The following FAM135B variants were observed in gnomAD, a reference collection of about 807,000 sequenced individuals.
FAM135B encodes family with sequence similarity 135 member B.
Under a neutral mutation model 127.7 loss-of-function variants are expected in FAM135B, and 43 were observed. That is an observed-to-expected ratio of 0.34 (90% confidence interval 0.26 to 0.43). FAM135B has a LOEUF of 0.43. FAM135B is among the 20% of genes least tolerant of loss of function. The pLI is 1.00. For missense variants in FAM135B, 1,558 were observed against 1,725.6 expected (o/e 0.90, Z 1.72); for synonymous variants, 670 against 665.1 (o/e 1.01, Z -0.11).
intron 1 of FAM135B, among the ~76,000 whole-genome samples, chr8:138,372,977 TAAA>T (rs1831240518): frequency 6.6e-6 from 1 of 152,176 alleles, no homozygotes; most frequent in African/African-American, 2.4e-5. Flanking sequence ...GCCTTGAGTT[TAAA>T]TGACAATTAA....
chr8:138,390,558 C>T (rs1331793687), intron 1 of FAM135B, among the ~76,000 whole-genome samples: 1 of 152,154 alleles, frequency 6.6e-6, no homozygotes, highest in Non-Finnish European at 1.5e-5. Flanking sequence ...GTGTCCTATA[C>T]TTTATCTTGT....
chr8:138,206,179 G>T (rs992852341), intron 7 of FAM135B, among the ~76,000 whole-genome samples: 14 of 139,380 alleles, frequency 1.0e-4, no homozygotes, highest in Non-Finnish European at 9.1e-5. Flanking sequence ...CCTCTGCAAG[G>T]CTCCAGCATC....
chr8:138,313,299 T>C (rs1335380777), intron 2 of FAM135B, among the ~76,000 whole-genome samples: 1 of 152,074 alleles, frequency 6.6e-6, no homozygotes, highest in Non-Finnish European at 1.5e-5. Context: ...TCCCAGCTAA[T>C]TTTTTTATTT....
chr8:138,217,172 A>G (rs1370287555), intron 7 of FAM135B, among the ~76,000 whole-genome samples: 1 of 152,226 alleles, frequency 6.6e-6, no homozygotes, highest in Non-Finnish European at 1.5e-5. Context: ...ACTTAGGTCA[A>G]GAGTCTGGAA....
chr8:138,204,185 T>G (rs1817379051), intron 7 of FAM135B, among the ~76,000 whole-genome samples: 2 of 152,210 alleles, frequency 1.3e-5, no homozygotes, highest in Admixed American at 6.5e-5. Flanking sequence ...TCACCTGCTA[T>G]CTCTTGTTTT....
In FAM135B at chr8:138,178,673, C is replaced by T. The variant is rs1465454798; in HGVS notation, c.891G>A (p.Glu297=). ...CCTTGCTTATCTGCTCAGCGATCTT[C>T]TCTGGATTGTTCAACATCTGGAGAG... ...CSELQMLNNP[E]KIAEQISKDL... Residue 297 remains glutamate, a synonymous_variant, in exon 10 of 20, where the codon GAG becomes GAA. Transcript: ENST00000395297. 6.2e-7 allele frequency: 1 copy of T among 1,612,754 alleles called. No homozygotes were observed. The highest frequency in any genetic ancestry group is 1.7e-5 in the Admixed American group (1 of 59,782).
intron 3 of FAM135B, among the ~76,000 whole-genome samples, chr8:138,279,573 C>A (rs1824101204): frequency 6.6e-6 from 1 of 152,300 alleles, no homozygotes; most frequent in South Asian, 2.1e-4. Context: ...CATGCACTTG[C>A]AAATCATTTA....
chr8:138,475,351 C>A (rs545719514), intron 1 of FAM135B, among the ~76,000 whole-genome samples: 13 of 152,244 alleles, frequency 8.5e-5, no homozygotes, highest in African/African-American at 3.1e-4. Context: ...AATTCAGCTA[C>A]AATCTTCACA....
chr8:138,272,547 G>GA (rs1434166995), intron 3 of FAM135B, among the ~76,000 whole-genome samples: 1 of 152,152 alleles, frequency 6.6e-6, no homozygotes, highest in Admixed American at 6.5e-5. Context: ...CTATTTAACA[G>GA]GAAGCATTCT....
intron 2 of FAM135B, among the ~76,000 whole-genome samples, chr8:138,362,093 C>T (rs939455645): frequency 1.3e-5 from 2 of 152,074 alleles, no homozygotes; most frequent in African/African-American, 4.8e-5. Context: ...GAGTATTCAT[C>T]TCCTCAAGCG....
chr8:138,369,641 G>A (rs1285877080), intron 1 of FAM135B, among the ~76,000 whole-genome samples: 1 of 152,140 alleles, frequency 6.6e-6, no homozygotes, highest in Non-Finnish European at 1.5e-5. Flanking sequence ...AGCCATGGAG[G>A]TGCACCCTGG....
chr8:138,374,427 T>A lies in FAM135B; in HGVS notation c.-19-6425A>T, dbSNP rs1196954295. Among the ~76,000 whole-genome samples, 15 of 152,400 alleles carry A rather than the reference T, an allele frequency of 9.8e-5. No homozygotes were observed. In the East Asian group the frequency reaches 2.9e-3, roughly 29 times the overall value. ...AAAATATTTTGGAAACATAGCATGTTACTTTTCTTCCTTGAAGAAGGAGAT... is the reference window on the plus strand; with the variant it reads ...AAAATATTTTGGAAACATAGCATGTAACTTTTCTTCCTTGAAGAAGGAGAT... On this transcript the variant is annotated intron_variant, in intron 1 of 19. Transcript: ENST00000395297.
chr8:138,160,626 G>A (rs1199249717), intron 12 of FAM135B, among the ~76,000 whole-genome samples: 1 of 149,978 alleles, frequency 6.7e-6, no homozygotes, highest in Non-Finnish European at 1.5e-5. Context: ...TCGAACTCCT[G>A]AGCTCAGGCA....
At chr8:138,338,289 C>G (rs1479064995) in intron 2 of FAM135B, among the ~76,000 whole-genome samples, 1 of 150,948 alleles carries the variant, frequency 6.6e-6, no homozygotes, top group Middle Eastern at 3.2e-3. Context: ...AGCTTCTGCA[C>G]AGCAAAAGAA....
chr8:138,261,144 C>CAA (rs1374900672), intron 4 of FAM135B, among the ~76,000 whole-genome samples: 5 of 135,680 alleles, frequency 3.7e-5, no homozygotes, highest in African/African-American at 1.4e-4. Flanking sequence ...CTGCTTCCAG[C>CAA]AAAAAAAAAA....
At position 138,141,891 on chromosome 8, in the gene FAM135B, A is replaced by C. The variant is rs1420071246; in HGVS notation, c.3639-542T>G. Among the ~76,000 whole-genome samples, 1 of 152,170 alleles carries C rather than the reference A, an allele frequency of 6.6e-6. No homozygotes were observed. The highest frequency in any genetic ancestry group is 2.4e-5 in the African/African-American group (1 of 41,438). On this transcript the variant is annotated intron_variant, in intron 16 of 19. Transcript: ENST00000395297. This position sits in a 1 kb window ranked among gnomAD's most constrained non-coding sequence, Gnocchi z 4.7. ...ACTCACAGGCCCACGTGTTCAATGA[A>C]TCATTATTCTCAAGTTAAATACTTA...
intron 3 of FAM135B, among the ~76,000 whole-genome samples, chr8:138,286,336 T>C (rs572751768): frequency 2.6e-4 from 39 of 152,244 alleles, no homozygotes; most frequent in African/African-American, 9.1e-4. Context: ...TGGAGGAACA[T>C]GGTGTCAGGT....
intron 1 of FAM135B, among the ~76,000 whole-genome samples, chr8:138,387,746 C>T (rs1420371437): frequency 6.6e-6 from 1 of 152,078 alleles, no homozygotes; most frequent in African/African-American, 2.4e-5. Flanking sequence ...ACCCAGGTAC[C>T]CAGTGCCAGA....
Position 138,226,216 on chromosome 8 carries a change from T to C in FAM135B, c.669+16726A>G, listed in dbSNP as rs1205539423. 3.0e-5 allele frequency among the ~76,000 whole-genome samples: 4 copies of C among 134,944 alleles called. No homozygotes were observed. The East Asian group carries it at 8.8e-4, about 30-fold the overall frequency. 88.5% of individuals were successfully genotyped at this position (134,944 alleles called of 152,430 possible). A position where few individuals can be genotyped will look rare whatever the true frequency, so the allele number is the denominator to read the frequency against. On this transcript the variant is annotated intron_variant, in intron 7 of 19. Coordinates refer to ENST00000395297, the MANE Select transcript of FAM135B (RefSeq NM_015912.4). ...ATGTCATTTTTTTTTTCATTGATTC[T>C]GCAAACAAATATTGAGCATTAGTTT...
Sources: allele counts gnomAD v4.1 joint callset (sites outside exome capture counted in the v4.1 genomes callset), GRCh38; gene constraint gnomAD v4.1.1; non-coding constraint Gnocchi (gnomAD v3.1); transcripts MANE v1.5; gene names NCBI Gene and HGNC (gene_info 2026-07-23, HGNC 2026-07-21).